Variants in NECAB3 observed in about 807,000 individuals in gnomAD.
The protein encoded by NECAB3 is N-terminal EF-hand calcium-binding protein 3.
NECAB3 carries 38 observed loss-of-function variants against 57.2 expected under a neutral mutation model. That is an observed-to-expected ratio of 0.66 (90% CI 0.51 to 0.87). The LOEUF (loss-of-function observed/expected upper bound fraction) is 0.87. Ranked by LOEUF, NECAB3 falls within the 40% of genes least tolerant of loss-of-function variation. The pLI is 0.00. For synonymous variants in NECAB3, 223 were observed against 222.6 expected (o/e 1.00, Z -0.02); for missense variants, 474 against 527.5 (o/e 0.90, Z 0.99).
chr20:33,663,951 G>A lies in NECAB3; in HGVS notation c.388-3556C>T, dbSNP rs1033774661. 4.9e-6 allele frequency: 6 copies of A among 1,235,632 alleles called. No homozygotes were observed. The Middle Eastern group carries it at 1.4e-3, about 295-fold the overall frequency. 76.5% of individuals were successfully genotyped at this position (1,235,632 alleles called of 1,614,324 possible). Reference sequence around the variant, plus strand: ...CCTGTCGGAGGCGTCTGGGCGCGGAGTCGGGGTGGGCAAAGCTCAGCCTAG... The same window carrying A: ...CCTGTCGGAGGCGTCTGGGCGCGGAATCGGGGTGGGCAAAGCTCAGCCTAG... On this transcript the variant is annotated intron_variant, in intron 5 of 11. Transcript: ENST00000246190.
At chr20:33,658,456 C>T (rs762066578) in intron 10 of NECAB3, 21 bp downstream of exon 10, 27 of 1,609,158 alleles carry the variant, frequency 1.7e-5, no homozygotes, top group Non-Finnish European at 2.3e-5. Context: ...ATGGTGTTAG[C>T]GGCCAGACTG....
intron 7 of NECAB3, 67 bp downstream of exon 7, chr20:33,659,818 G>A (rs964604686): frequency 3.7e-5 from 56 of 1,530,700 alleles, no homozygotes; most frequent in Non-Finnish European, 4.6e-5. Flanking sequence ...GTGAAGGAGC[G>A]GGCCCTGGGG....
Position 33,670,779 on chromosome 20 carries a change from G to A in NECAB3, c.168C>T (p.Leu56=), listed in dbSNP as rs766713783. ...AGTAATTCTGGAATTCCTCAAATGAGAGCTTCCCATCATCTGGGGTGGCAG... is the reference window on the plus strand; with the variant it reads ...AGTAATTCTGGAATTCCTCAAATGAAAGCTTCCCATCATCTGGGGTGGCAG... The part of the protein sequence containing the change: ...RRADKNDDGK[L]SFEEFQNYFA... The change falls in exon 3 of 12, where the codon CTC becomes CTT. Residue 56 remains leucine, a synonymous_variant. Coordinates refer to ENST00000246190, the MANE Select transcript of NECAB3 (RefSeq NM_031232.4). 1.9e-6 allele frequency: 3 copies of A among 1,613,932 alleles called. No homozygotes were observed. In the South Asian group the frequency reaches 3.3e-5, roughly 18 times the overall value.
rs915382520 is a variant in NECAB3 at position 33,657,752 on chromosome 20, C to A, written c.*77G>T. 1.4e-6 allele frequency: 2 copies of A among 1,422,608 alleles called. No homozygotes were observed. Among genetic ancestry groups the A allele is most frequent in the East Asian group, 2.5e-5 (1 of 39,754 alleles). 88.1% of individuals were successfully genotyped at this position (1,422,608 alleles called of 1,614,324 possible). A position where few individuals can be genotyped will look rare whatever the true frequency, so the allele number is the denominator to read the frequency against. On this transcript the variant is annotated 3_prime_UTR_variant, in exon 12 of 12. Transcript: ENST00000246190. The stretch of plus-strand genomic sequence containing the variant: ...AGGAGGAGACAAGTCCTGGTCTTTG[C>A]GCTGGGCTGGCCAGTCCAGAAGGCT...
intron 5 of NECAB3, chr20:33,662,236 C>A: frequency 7.0e-7 from 1 of 1,429,794 alleles, no homozygotes; most frequent in Non-Finnish European, 9.4e-7. Context: ...AGGCGGTGCT[C>A]AGAGCCTGCA....
intron 5 of NECAB3, chr20:33,663,913 G>C (rs2017576965): frequency 2.2e-6 from 3 of 1,357,258 alleles, no homozygotes. Context: ...TGGCAACCCT[G>C]GCGCCTGCGA....
chr20:33,662,244 G>T (rs1168233576), intron 5 of NECAB3: 1 of 1,456,432 alleles, frequency 6.9e-7, no homozygotes, highest in Non-Finnish European at 9.2e-7. Context: ...CTCAGAGCCT[G>T]CAATTGGTGA....
At chr20:33,668,390 C>A (rs2017748210) in intron 5 of NECAB3, 1 of 1,032,498 alleles carries the variant, frequency 9.7e-7, no homozygotes, top group Non-Finnish European at 1.3e-6. Flanking sequence ...GTATTTGGGA[C>A]CCATGGGACC....
In NECAB3 at chr20:33,674,294, T is replaced by G; in HGVS notation, c.59A>C (p.Gln20Pro). Residue 20 changes from glutamine to proline, a missense_variant, in exon 1 of 12, where the codon CAG becomes CCG. Physicochemically the swap from Gln to Pro is moderately conservative, Grantham distance 76. Transcript: ENST00000246190. ...CLLRPPAPQP[Q>P]PQTPRHPQLA... ...CTGGGGGTGCCGCGGGGTCTGGGGC[T>G]GGGGCTGGGGCGCGGGCGGCCGGAG... The G allele has an allele frequency of 4.9e-6, 6 of 1,223,712 alleles. No individual in the cohort carries two copies. Among genetic ancestry groups the G allele is most frequent in the Non-Finnish European group, 6.1e-6 (6 of 982,414 alleles). The allele number at this position is 1,223,712 out of a possible 1,614,324, so 75.8% of individuals were successfully genotyped here. A position where few individuals can be genotyped will look rare whatever the true frequency, so the allele number is the denominator to read the frequency against.
intron 5 of NECAB3, chr20:33,667,519 G>C: frequency 6.5e-7 from 1 of 1,528,164 alleles, no homozygotes; most frequent in Non-Finnish European, 8.8e-7. Context: ...CGCGTTGCTG[G>C]CGCTCTGCTC....
chr20:33,669,346 G>GGAT, intron 5 of NECAB3, 29 bp downstream of exon 5: 1 of 1,608,718 alleles, frequency 6.2e-7, no homozygotes, highest in Non-Finnish European at 8.5e-7. Context: ...CCTCACAGTG[G>GGAT]ATCCCCCACC....
At chr20:33,674,863 G>C (rs141101558), upstream of NECAB3, 1 of 152,206 alleles carries the variant, frequency 6.6e-6, no homozygotes, top group Non-Finnish European at 1.5e-5. Context: ...CCCGACGCCC[G>C]CCCTCTCTGG....
chr20:33,667,176 GGCGGGCTTCGCGGGCGA>G, intron 5 of NECAB3: 1 of 259,470 alleles, frequency 3.9e-6, no homozygotes, highest in Middle Eastern at 1.1e-3. Flanking sequence ...GCTTCACCAA[GGCGGGCTTCGCGGGCGA>G]GAACCAGCCG....
Position 33,667,355 on chromosome 20 carries a change from G to A in NECAB3, c.387+2020C>T, listed in dbSNP as rs1601167782. The stretch of plus-strand genomic sequence containing the variant: ...GACTGGGAGGCGCTGGAAGGGCTGT[G>A]GGAGCGCCTGCTGGTGGGCGGCCTG... On this transcript the variant is annotated intron_variant, in intron 5 of 11. Coordinates refer to ENST00000246190, the MANE Select transcript of NECAB3 (RefSeq NM_031232.4). The A allele has an allele frequency of 2.7e-6, 3 of 1,114,568 alleles. No homozygotes were observed. The East Asian group carries it at 9.7e-5, about 36-fold the overall frequency. 69.0% of individuals were successfully genotyped at this position (1,114,568 alleles called of 1,614,324 possible). A position where few individuals can be genotyped will look rare whatever the true frequency, so the allele number is the denominator to read the frequency against.
intron 5 of NECAB3, chr20:33,668,208 C>A (rs1270235797): frequency 1.2e-6 from 2 of 1,603,794 alleles, no homozygotes; most frequent in Non-Finnish European, 1.7e-6. Context: ...AGTGTGGCTC[C>A]AGGCTGCTGT....
intron 8 of NECAB3, 84 bp from the exon 9 acceptor site, chr20:33,658,918 G>A: frequency 1.1e-6 from 1 of 934,826 alleles, no homozygotes. Flanking sequence ...GTTCTCAGCT[G>A]TTTTTCTGTT....
chr20:33,667,656 G>A (rs757993466), intron 5 of NECAB3: 12 of 1,610,088 alleles, frequency 7.5e-6, no homozygotes, highest in South Asian at 1.1e-5. Context: ...GCACCCTGTC[G>A]CGCTACCTGC....
intron 1 of NECAB3, among the ~76,000 whole-genome samples, chr20:33,673,297 G>A (rs557439589): frequency 2.0e-5 from 3 of 152,170 alleles, no homozygotes; most frequent in African/African-American, 7.2e-5. Flanking sequence ...GGTCCTGAAC[G>A]CCAGCCCCCT....
intron 2 of NECAB3, 39 bp downstream of exon 2, chr20:33,672,359 C>T (rs1380096401): frequency 9.3e-6 from 15 of 1,613,798 alleles, no homozygotes; most frequent in African/African-American, 1.3e-5. Flanking sequence ...ATGCCTCCCA[C>T]CCTGCCCCAC....
Sources: allele counts gnomAD v4.1 joint callset (sites outside exome capture counted in the v4.1 genomes callset), GRCh38; gene constraint gnomAD v4.1.1; transcripts MANE v1.5; gene names NCBI Gene and HGNC (gene_info 2026-07-23, HGNC 2026-07-21).